Variants in MCF2L2 observed in about 807,000 individuals in gnomAD.
MCF2L2 encodes MCF.2 cell line derived transforming sequence-like 2.
In MCF2L2, 102 loss-of-function variants were observed where a neutral mutation model predicts 150.2. The observed-to-expected ratio is 0.68, with a 90% CI of 0.58 to 0.80. The LOEUF (loss-of-function observed/expected upper bound fraction) is 0.80. Among genes scored for constraint, MCF2L2 ranks in the 30% least tolerant of loss-of-function variants. MCF2L2 has a pLI of 0.00. For synonymous variants in MCF2L2, 465 were observed against 491.3 expected (o/e 0.95, Z 0.71); for missense variants, 1,256 against 1,372.8 (o/e 0.91, Z 1.34).
intron 3 of MCF2L2, among the ~76,000 whole-genome samples, chr3:183,355,190 T>C (rs1316674936): frequency 6.6e-6 from 1 of 151,914 alleles, no homozygotes; most frequent in Non-Finnish European, 1.5e-5. Context: ...TTACATGAAA[T>C]GTTTGAAAAT....
intron 1 of MCF2L2, among the ~76,000 whole-genome samples, chr3:183,406,845 A>G (rs890774345): frequency 2.6e-5 from 4 of 152,036 alleles, no homozygotes; most frequent in Admixed American, 2.0e-4. Flanking sequence ...TCTTAACAGT[A>G]TTTTTTGCAG....
intron 6 of MCF2L2, 30 bp from the exon 7 acceptor site, chr3:183,318,247 G>A (rs760383468): frequency 6.2e-7 from 1 of 1,613,382 alleles, no homozygotes; most frequent in Admixed American, 1.7e-5. Context: ...TAACAATATG[G>A]AGAGATTAAC....
At chr3:183,275,130 C>G (rs1727087556) in intron 15 of MCF2L2, among the ~76,000 whole-genome samples, 1 of 152,168 alleles carries the variant, frequency 6.6e-6, no homozygotes, top group Non-Finnish European at 1.5e-5. Context: ...TCTCTTCCTT[C>G]CCTTCTCCCC....
chr3:183,211,051 A>G (rs968025321), intron 22 of MCF2L2, among the ~76,000 whole-genome samples: 2 of 152,118 alleles, frequency 1.3e-5, no homozygotes, highest in Non-Finnish European at 2.9e-5. Flanking sequence ...AATAAACGAG[A>G]AGGAAACAGA....
intron 1 of MCF2L2, among the ~76,000 whole-genome samples, chr3:183,399,979 C>A (rs1714654701): frequency 6.6e-6 from 1 of 152,158 alleles, no homozygotes; most frequent in Non-Finnish European, 1.5e-5. Context: ...CTTATTCCTT[C>A]AACCAAAATT....
At chr3:183,317,678 C>T (rs1333957204) in intron 7 of MCF2L2, among the ~76,000 whole-genome samples, 2 of 152,182 alleles carry the variant, frequency 1.3e-5, no homozygotes, top group East Asian at 3.8e-4. Flanking sequence ...GCCCCTACCC[C>T]TGCAATTTCA....
intron 27 of MCF2L2, among the ~76,000 whole-genome samples, chr3:183,189,690 C>T (rs1721811769): frequency 6.6e-6 from 1 of 152,234 alleles, no homozygotes; most frequent in African/African-American, 2.4e-5. Context: ...GAGGGAGACA[C>T]TTCCACTAGG....
chr3:183,326,507 A>AAC (rs1730040392), intron 5 of MCF2L2, among the ~76,000 whole-genome samples: 1 of 142,512 alleles, frequency 7.0e-6, no homozygotes, highest in African/African-American at 2.7e-5. Flanking sequence ...AAAAAAAAAA[A>AAC]AAAAAAAAAC....
At chr3:183,295,898 C>T (rs879864395) in intron 12 of MCF2L2, among the ~76,000 whole-genome samples, 1 of 152,152 alleles carries the variant, frequency 6.6e-6, no homozygotes, top group Non-Finnish European at 1.5e-5. Flanking sequence ...GCAGAGGTTG[C>T]ACTGAGCCGA....
chr3:183,297,342 G>T (rs953788874), intron 11 of MCF2L2, 175 bp from the exon 12 acceptor site: 4 of 591,430 alleles, frequency 6.8e-6, no homozygotes, highest in Non-Finnish European at 1.2e-5. Flanking sequence ...CACTATGAGG[G>T]GGACAAACCC....
rs1456575737 is a variant in MCF2L2, at chr3:183,277,827, A to G, written c.1777-870T>C. ...TAGGATGTCAGTCCAATAAGAATCT[A>G]AATTTTAGTTCCCTCTAATATATAT... On this transcript the variant is annotated intron_variant, in intron 14 of 29. Transcript: ENST00000328913. Among the ~76,000 whole-genome samples, 7 of 151,650 alleles carry G rather than the reference A, an allele frequency of 4.6e-5. No individual in the cohort carries two copies. In the South Asian group the frequency reaches 1.5e-3, roughly 32 times the overall value.
chr3:183,213,267 G>GTT (rs368518524), intron 22 of MCF2L2, among the ~76,000 whole-genome samples: 5,550 of 139,316 alleles, frequency 0.04, 323 homozygotes, highest in African/African-American at 0.14. Flanking sequence ...AAAAACTTTT[G>GTT]TTTTTTTTTT....
At chr3:183,296,691 T>A in intron 12 of MCF2L2, 1 of 288,736 alleles carries the variant, frequency 3.5e-6, no homozygotes, top group Admixed American at 4.6e-5. Flanking sequence ...AGCATGCCTA[T>A]TTTTAATCAT....
rs759999367 is a variant in MCF2L2 at position 183,427,950 on chromosome 3, G to A, written c.28C>T (p.Pro10Ser). 1 of 1,613,776 alleles carries A rather than the reference G, an allele frequency of 6.2e-7. No homozygotes were observed. Among genetic ancestry groups the A allele is most frequent in the Non-Finnish European group, 8.5e-7 (1 of 1,179,766 alleles). ...AGTCGCCGGGTGAGCTCCTGGGGAG[G>A]CATCTCTTCTTTTAAGCAAGACAGC... MLSCLKEEM[P>S]PQELTRRLAT... The change falls in exon 1 of 30, where the codon CCT becomes TCT. Residue 10 changes from proline to serine, a missense_variant. Coordinates refer to ENST00000328913, the MANE Select transcript of MCF2L2 (RefSeq NM_015078.4).
In MCF2L2 at chr3:183,341,602, C is replaced by T. The variant is rs2108541750; in HGVS notation, c.304G>A (p.Val102Ile). Residue 102 changes from valine to isoleucine, a missense_variant, in exon 4 of 30, where the codon GTT (valine) becomes ATT (isoleucine). By Grantham distance (29) the Val-to-Ile change is conservative. Coordinates refer to ENST00000328913, the MANE Select transcript of MCF2L2 (RefSeq NM_015078.4). The stretch of plus-strand genomic sequence containing the variant: ...TTGTCTCTTCGTCTGTCGATAACAA[C>T]AATGAATCCAATGCTGGCAGCCTCC... ...SVEAASIGFI[V>I]VIDRRRDKWS... is the part of the protein sequence containing the mutation. The T allele has an allele frequency of 2.5e-6, 4 of 1,614,104 alleles. No homozygotes were observed. In the East Asian group the frequency reaches 8.9e-5, roughly 36 times the overall value.
At chr3:183,216,780 T>G (rs1722961314) in intron 21 of MCF2L2, among the ~76,000 whole-genome samples, 1 of 149,890 alleles carries the variant, frequency 6.7e-6, no homozygotes. Context: ...AATTTTTGTA[T>G]TTTTAGTAGA....
chr3:183,237,826 T>C lies in MCF2L2; in HGVS notation c.1863-6809A>G, dbSNP rs558477165. ...AATTTTGGATCTTTCCTGCTTTCTCTTGTAGGCATTTAGTGCTATAAATTT... is the reference window on the plus strand; with the variant it reads ...AATTTTGGATCTTTCCTGCTTTCTCCTGTAGGCATTTAGTGCTATAAATTT... On this transcript the variant is annotated intron_variant, in intron 15 of 29. Coordinates refer to ENST00000328913, the MANE Select transcript of MCF2L2 (RefSeq NM_015078.4). Among the ~76,000 whole-genome samples, 8 of 44,424 alleles carry C rather than the reference T, an allele frequency of 1.8e-4. No individual in the cohort carries two copies. In the East Asian group the frequency reaches 2.8e-3, roughly 15 times the overall value. 29.1% of individuals were successfully genotyped at this position (44,424 alleles called of 152,430 possible). A position where few individuals can be genotyped will look rare whatever the true frequency, so the allele number is the denominator to read the frequency against.
At chr3:183,403,692 A>G (rs763537713) in intron 1 of MCF2L2, among the ~76,000 whole-genome samples, 13 of 152,228 alleles carry the variant, frequency 8.5e-5, no homozygotes, top group African/African-American at 3.1e-4. Flanking sequence ...CCTGGTCCCT[A>G]TCAGGATCTG....
At position 183,274,702 on chromosome 3, in the gene MCF2L2, T is replaced by A. The variant is rs373098635; in HGVS notation, c.1862+2170A>T. ...TTGGATGCTATAGCTGCAATGAGAA[T>A]AGAACCAGAGAACTCTTGATATGCA... On this transcript the variant is annotated intron_variant, in intron 15 of 29. Transcript: ENST00000328913. Among the ~76,000 whole-genome samples, 4 of 152,202 alleles carry A rather than the reference T, an allele frequency of 2.6e-5. No homozygotes were observed. In the East Asian group the frequency reaches 5.8e-4, roughly 22 times the overall value.
Sources: allele counts gnomAD v4.1 joint callset (sites outside exome capture counted in the v4.1 genomes callset), GRCh38; gene constraint gnomAD v4.1.1; transcripts MANE v1.5; gene names NCBI Gene and HGNC (gene_info 2026-07-23, HGNC 2026-07-21).